The following CEACAM20 variants were observed in gnomAD, a reference collection of about 807,000 sequenced individuals.
CEACAM20 encodes the protein cell adhesion molecule CEACAM20.
Under a neutral mutation model 61.2 loss-of-function variants are expected in CEACAM20, and 50 were observed. That is an observed-to-expected ratio of 0.82 (90% CI 0.65 to 1.03). The LOEUF (loss-of-function observed/expected upper bound fraction) is 1.03. Among genes scored for constraint, CEACAM20 ranks in the 50% least tolerant of loss-of-function variants. The pLI is 0.00. For synonymous variants in CEACAM20, 282 were observed against 287.7 expected (o/e 0.98, Z 0.20); for missense variants, 683 against 736.4 (o/e 0.93, Z 0.84).
At position 44,520,645 on chromosome 19, in the gene CEACAM20, A is replaced by C; in HGVS notation, c.859T>G (p.Trp287Gly). 3 of 1,614,040 alleles carry C rather than the reference A, an allele frequency of 1.9e-6. No individual in the cohort carries two copies. The highest frequency in any genetic ancestry group is 2.5e-6 in the Non-Finnish European group (3 of 1,179,896). The change falls in exon 5 of 12, where the codon TGG becomes GGG. Residue 287 changes from tryptophan to glycine, a missense_variant. By Grantham distance (184) the Trp-to-Gly change is radical (BLOSUM62 -2). Transcript: ENST00000614924. ...QTVNQSVNVQ[W>G]FLSGQPLLPS... is the part of the protein sequence containing the mutation. ...AGGAGGGGCTGGCCACTTAGGAACC[A>C]CTGGACATTCACACTCTGATTGACG... is the stretch of plus-strand genomic sequence containing the variant.
At chr19:44,510,951 A>G in intron 11 of CEACAM20, 79 bp downstream of exon 11, 1 of 1,557,270 alleles carries the variant, frequency 6.4e-7, no homozygotes, top group South Asian at 1.1e-5. Flanking sequence ...TTCATCCTAC[A>G]GACTCTTTAG....
chr19:44,508,139 C>T (rs947741184), intron 11 of CEACAM20, among the ~76,000 whole-genome samples: 5 of 152,140 alleles, frequency 3.3e-5, no homozygotes, highest in Non-Finnish European at 4.4e-5. Context: ...GGATTTGAGC[C>T]CCTGTTCTGG....
intron 6 of CEACAM20, among the ~76,000 whole-genome samples, chr19:44,515,430 TGAG>T (rs1273075229): frequency 6.6e-6 from 1 of 152,150 alleles, no homozygotes; most frequent in Non-Finnish European, 1.5e-5. Context: ...GAAGATTAAA[TGAG>T]GTAATTTGGA....
At chr19:44,518,107 G>GAAAGAAAGAAAGA (rs1568452831) in intron 5 of CEACAM20, among the ~76,000 whole-genome samples, 1 of 40,706 alleles carries the variant, frequency 2.5e-5, no homozygotes, top group Non-Finnish European at 4.8e-5. Context: ...AGAAAGAAAG[G>GAAAGAAAGAAAGA]AAGGAAGGAA....
At chr19:44,526,905 G>T (rs570102274) in intron 1 of CEACAM20, among the ~76,000 whole-genome samples, 4 of 151,188 alleles carry the variant, frequency 2.6e-5, no homozygotes, top group African/African-American at 9.7e-5. Context: ...AAAAAAACAC[G>T]AGACTTTGCT....
chr19:44,506,366 G>A (rs989101347), intron 11 of CEACAM20, among the ~76,000 whole-genome samples, 152 bp from the exon 12 acceptor site: 2 of 152,088 alleles, frequency 1.3e-5, no homozygotes, highest in African/African-American at 4.8e-5. Flanking sequence ...AGTAACCCTG[G>A]CACATCTCTG....
chr19:44,518,928 G>A (rs1263879269), intron 5 of CEACAM20, among the ~76,000 whole-genome samples: 1 of 152,126 alleles, frequency 6.6e-6, no homozygotes, highest in Non-Finnish European at 1.5e-5. Context: ...TGTCTGAAGA[G>A]GCCATTTACA....
rs781574800 is a variant in CEACAM20 at position 44,520,578 on chromosome 19, A to C, written c.926T>G (p.Leu309Arg). 2.5e-6 allele frequency: 4 copies of C among 1,613,902 alleles called. No homozygotes were observed. Among genetic ancestry groups the C allele is most frequent in the Non-Finnish European group, 3.4e-6 (4 of 1,179,892 alleles). The change falls in exon 5 of 12, where the codon CTA becomes CGA. Residue 309 changes from leucine to arginine, a missense_variant. Transcript: ENST00000614924. The part of the protein sequence containing the change: ...HLQLSADNRT[L>R]IIHGLQRNDT... ...ATTCCGCTGGAGGCCATGGATGATT[A>C]GGGTCCTGTTGTCAGCTGACAGCTG...
Position 44,522,909 on chromosome 19 carries a change from C to A in CEACAM20, c.476G>T (p.Gly159Val). 1 of 1,600,036 alleles carries A rather than the reference C, an allele frequency of 6.2e-7. No individual in the cohort carries two copies. Among genetic ancestry groups the A allele is most frequent in the Non-Finnish European group, 8.5e-7 (1 of 1,173,590 alleles). Reference protein sequence around the residue: ...SDPIFLDVKYGPDPVEIKLES... With the variant: ...SDPIFLDVKYVPDPVEIKLES... ...CAATTTGATTTCAACAGGATCAGGA[C>A]CATCTGAGAGGACAGGAACAATTAC... The change falls in exon 4 of 12, where the codon GGT (glycine) becomes GTT (valine). Residue 159 changes from glycine to valine, a missense_variant. Gly to Val is a moderately radical substitution (Grantham distance 109). Coordinates refer to ENST00000614924, the MANE Select transcript of CEACAM20 (RefSeq NM_001102597.3).
intron 11 of CEACAM20, among the ~76,000 whole-genome samples, chr19:44,510,605 A>G (rs867088016): frequency 0.052 from 3,936 of 75,062 alleles, 240 homozygotes; most frequent in African/African-American, 0.14. Flanking sequence ...AGAAAGAAAG[A>G]AAGAAAAAGG....
chr19:44,510,592 GAAAGAAAGAAAGAAAGAA>G lies in CEACAM20; in HGVS notation c.1737+420_1737+437del, dbSNP rs1477290784. Among the ~76,000 whole-genome samples, 129 of 54,380 alleles carry G rather than the reference GAAAGAAAGAAAGAAAGAA, an allele frequency of 2.4e-3. 1 individual carries two copies. In the East Asian group the frequency reaches 0.037, roughly 16 times the overall value. 35.7% of individuals were successfully genotyped at this position (54,380 alleles called of 152,430 possible). A position where few individuals can be genotyped will look rare whatever the true frequency, so the allele number is the denominator to read the frequency against. On this transcript the variant is annotated intron_variant, in intron 11 of 11. Coordinates refer to ENST00000614924, the MANE Select transcript of CEACAM20 (RefSeq NM_001102597.3). Reference sequence around the variant, plus strand: ...AGAAAGAAAGAAAGAAAGAAAGAAAGAAAGAAAGAAAGAAAGAAAAAGGAAGGAAGGAAGAAAGAAAGA... The same window carrying G: ...AGAAAGAAAGAAAGAAAGAAAGAAAGAAAGGAAGGAAGGAAGAAAGAAAGA...
chr19:44,525,427 T>C (rs962122359), intron 1 of CEACAM20, among the ~76,000 whole-genome samples, 183 bp from the exon 2 acceptor site: 1 of 151,966 alleles, frequency 6.6e-6, no homozygotes, highest in Non-Finnish European at 1.5e-5. Flanking sequence ...TTGTTTGGTT[T>C]TTGTTTGTGT....
chr19:44,525,415 G>A, intron 1 of CEACAM20, among the ~76,000 whole-genome samples, 171 bp from the exon 2 acceptor site: 1 of 151,966 alleles, frequency 6.6e-6, no homozygotes, highest in East Asian at 1.9e-4. Context: ...ATGTTTTCTT[G>A]TTTGTTTGGT....
chr19:44,516,221 T>C (rs1445763103), intron 6 of CEACAM20, among the ~76,000 whole-genome samples: 2 of 152,212 alleles, frequency 1.3e-5, no homozygotes. Context: ...TGTCCAGTTG[T>C]TATTAACATC....
Position 44,517,031 on chromosome 19 carries a change from C to A in CEACAM20, c.1224G>T (p.Trp408Cys). 6.3e-7 allele frequency: 1 copy of A among 1,599,544 alleles called. No homozygotes were observed. The highest frequency in any genetic ancestry group is 1.1e-5 in the South Asian group (1 of 88,476). Residue 408 changes from tryptophan to cysteine, a missense_variant, in exon 6 of 12, where the codon TGG (tryptophan) becomes TGT (cysteine). Physicochemically the swap from Trp to Cys is radical, Grantham distance 215. Transcript: ENST00000614924. ...TGCAGTTGTAGATCCCGTCGTGTTC[C>A]CAGGTCAGAGCCCTGATAATCAGCT... ...GEQLIIRALTWEHDGIYNCTA... is the reference protein window; with the variant it reads ...GEQLIIRALTCEHDGIYNCTA...
chr19:44,519,929 T>A (rs912154142), intron 5 of CEACAM20, among the ~76,000 whole-genome samples: 1 of 152,122 alleles, frequency 6.6e-6, no homozygotes, highest in Admixed American at 6.5e-5. Flanking sequence ...ATGATGGGTG[T>A]TCCTTCAAGT....
In CEACAM20 at chr19:44,522,870, G is replaced by T. The variant is rs1178160974; in HGVS notation, c.515C>A (p.Ala172Asp). Residue 172 changes from alanine to aspartate, a missense_variant, in exon 4 of 12, where the codon GCC (alanine) becomes GAC (aspartate). Coordinates refer to ENST00000614924, the MANE Select transcript of CEACAM20 (RefSeq NM_001102597.3). The part of the protein sequence containing the change: ...PVEIKLESGV[A>D]SGEVVEVMEG... ...CATCACCTCAACCACCTCCCCACTG[G>T]CAACACCAGACTCCAATTTGATTTC... 1.9e-6 allele frequency: 3 copies of T among 1,608,288 alleles called. No homozygotes were observed. In the Admixed American group the frequency reaches 5.1e-5, roughly 27 times the overall value.
At chr19:44,509,632 G>C (rs988691164) in intron 11 of CEACAM20, among the ~76,000 whole-genome samples, 2 of 152,062 alleles carry the variant, frequency 1.3e-5, no homozygotes, top group African/African-American at 4.8e-5. Flanking sequence ...ACATGCAGTA[G>C]AATGGAATGG....
intron 3 of CEACAM20, among the ~76,000 whole-genome samples, 173 bp downstream of exon 3, chr19:44,523,813 C>T (rs1971441160): frequency 6.6e-6 from 1 of 152,082 alleles, no homozygotes; most frequent in Admixed American, 6.6e-5. Flanking sequence ...GTTTGCTTCA[C>T]ATTAAGTTGG....
Sources: allele counts gnomAD v4.1 joint callset (sites outside exome capture counted in the v4.1 genomes callset), GRCh38; gene constraint gnomAD v4.1.1; transcripts MANE v1.5; gene names NCBI Gene and HGNC (gene_info 2026-07-23, HGNC 2026-07-21).